Variants in CNOT8 observed in about 807,000 individuals in gnomAD.
CNOT8 encodes CAF1-like protein.
A neutral mutation model predicts 34.6 loss-of-function variants in CNOT8; 18 were observed. The ratio of observed to expected loss-of-function variants is 0.52; its 90% CI spans 0.36 to 0.77. The LOEUF is 0.77. Among genes scored for constraint, CNOT8 ranks in the 30% least tolerant of loss-of-function variants. The probability of loss-of-function intolerance (pLI) is 0.00; values close to 1 mark genes in which losing one functional copy is unlikely to be tolerated. For missense variants in CNOT8, 189 were observed against 347.9 expected, an observed-to-expected ratio of 0.54 and a Z score of 3.63; for synonymous variants, 101 against 118.8, an observed-to-expected ratio of 0.85 and a Z score of 0.98.
At chr5:154,869,300 G>T (rs2113348785) in intron 3 of CNOT8, among the ~76,000 whole-genome samples, 1 of 151,252 alleles carries the variant, frequency 6.6e-6, no homozygotes, top group East Asian at 2.0e-4. Flanking sequence ...TGTATTTTTA[G>T]TAGAGATGGG....
chr5:154,870,627 T>C lies in CNOT8; in HGVS notation c.312-34T>C, dbSNP rs781215159. On this transcript the variant is annotated intron_variant, in intron 3 of 6. Coordinates refer to ENST00000285896, the MANE Select transcript of CNOT8 (RefSeq NM_001301073.2). ...GTGGCCACTACTTCTGTTTCATTAT[T>C]CACCAGTTAATAAATAAACACCTTG... is the stretch of plus-strand genomic sequence containing the variant. The C allele has an allele frequency of 3.1e-5, 48 of 1,571,194 alleles. No homozygotes were observed. The Middle Eastern group carries it at 5.0e-4, about 16-fold the overall frequency.
chr5:154,863,419 C>T, intron 2 of CNOT8, 24 bp downstream of exon 2: 3 of 1,524,608 alleles, frequency 2.0e-6, no homozygotes, highest in Non-Finnish European at 2.7e-6. Flanking sequence ...CTCTGACTCA[C>T]CTTCTTTGTC....
intron 3 of CNOT8, among the ~76,000 whole-genome samples, chr5:154,867,177 G>A (rs1248176056): frequency 6.6e-6 from 1 of 152,154 alleles, no homozygotes; most frequent in African/African-American, 2.4e-5. Context: ...AATTCCTGTG[G>A]TTGAATTAAT....
intron 1 of CNOT8, chr5:154,859,031 T>C (rs1252860218): frequency 2.0e-5 from 3 of 152,188 alleles, no homozygotes; most frequent in Non-Finnish European, 2.9e-5. Context: ...CGTACTGTTA[T>C]CAAACCCATT....
rs552678331 is a variant in CNOT8, at chr5:154,875,709, A to G, written c.*270A>G. The G allele has an allele frequency of 4.0e-5, 14 of 350,902 alleles. No homozygotes were observed. In the East Asian group the frequency reaches 5.0e-4, roughly 13 times the overall value. 21.7% of individuals were successfully genotyped at this position (350,902 alleles called of 1,614,324 possible). A position where few individuals can be genotyped will look rare whatever the true frequency, so the allele number is the denominator to read the frequency against. On this transcript the variant is annotated 3_prime_UTR_variant, in exon 7 of 7. Transcript: ENST00000285896. Reference sequence around the variant, plus strand: ...TGGTTGCCTCCTGCCACCAGCATCCATGGCTCATTTGACACCTTTTTAAAT... The same window carrying G: ...TGGTTGCCTCCTGCCACCAGCATCCGTGGCTCATTTGACACCTTTTTAAAT...
Position 154,865,000 on chromosome 5 carries a change from C to T in CNOT8, c.118-192C>T, listed in dbSNP as rs181074694. On this transcript the variant is annotated intron_variant, in intron 2 of 6. Coordinates refer to ENST00000285896, the MANE Select transcript of CNOT8 (RefSeq NM_001301073.2). ...GAGGCTGTAGTGAGCTGTGATTGTG[C>T]CACTGCCCTCCAGCCTGGGTGACAG... is the stretch of plus-strand genomic sequence containing the variant. 2.0e-5 allele frequency among the ~76,000 whole-genome samples: 3 copies of T among 152,206 alleles called. No homozygotes were observed. The East Asian group carries it at 5.8e-4, about 29-fold the overall frequency.
Position 154,876,086 on chromosome 5 carries a change from C to G in CNOT8, c.*647C>G, listed in dbSNP as rs1238660878. On this transcript the variant is annotated 3_prime_UTR_variant, in exon 7 of 7. Transcript: ENST00000285896. ...AACAATTTTACTGAATCTGTCTACC[C>G]TTCATTCATGAGAACTCCAGAATGA... The G allele has an allele frequency of 2.0e-5, 3 of 152,324 alleles. No individual in the cohort carries two copies. Among genetic ancestry groups the G allele is most frequent in the Non-Finnish European group, 2.9e-5 (2 of 68,112 alleles). The allele number at this position is 152,324 out of a possible 1,614,324, so 9.4% of individuals were successfully genotyped here. A position where few individuals can be genotyped will look rare whatever the true frequency, so the allele number is the denominator to read the frequency against.
intron 5 of CNOT8, 43 bp downstream of exon 5, chr5:154,871,917 A>G: frequency 6.4e-7 from 1 of 1,567,984 alleles, no homozygotes; most frequent in Non-Finnish European, 8.7e-7. Flanking sequence ...AAAGAAGGAC[A>G]GAAAAAAAGC....
chr5:154,870,829 C>T lies in CNOT8; in HGVS notation c.473+7C>T, dbSNP rs375081243. On this transcript the variant is annotated splice_region_variant and intron_variant, in intron 4 of 6. Transcript: ENST00000285896. ...AATGGCTTTCATTTCATAGGTCAGT[C>T]CTAGGGAATGTGTATTTCTCTCTCA... 6.2e-7 allele frequency: 1 copy of T among 1,600,774 alleles called. No homozygotes were observed. The highest frequency in any genetic ancestry group is 8.5e-7 in the Non-Finnish European group (1 of 1,173,872).
At chr5:154,873,766 A>C (rs1200190314) in intron 6 of CNOT8, among the ~76,000 whole-genome samples, 1 of 152,192 alleles carries the variant, frequency 6.6e-6, no homozygotes, top group Non-Finnish European at 1.5e-5. Context: ...AACAACTGTT[A>C]CCATGTGTTG....
Position 154,871,718 on chromosome 5 carries a change from A to T in CNOT8, c.474-12A>T, listed in dbSNP as rs556302555. 69 of 1,613,294 alleles carry T rather than the reference A, an allele frequency of 4.3e-5. No homozygotes were observed. The highest frequency in any genetic ancestry group is 4.4e-5 in the Non-Finnish European group (52 of 1,179,642). On this transcript the variant is annotated splice_polypyrimidine_tract_variant and intron_variant, in intron 4 of 6. Coordinates refer to ENST00000285896, the MANE Select transcript of CNOT8 (RefSeq NM_001301073.2). Reference sequence around the variant, plus strand: ...ACTGCTTTTTTAACCTCTGTGGTTTATTCTCTTGTAGTGGCTATGATTTTG... The same window carrying T: ...ACTGCTTTTTTAACCTCTGTGGTTTTTTCTCTTGTAGTGGCTATGATTTTG...
chr5:154,871,580 A>AAG, intron 4 of CNOT8, 150 bp from the exon 5 acceptor site: 1 of 629,176 alleles, frequency 1.6e-6, no homozygotes, highest in Admixed American at 3.2e-5. Flanking sequence ...AAAAAAAAAA[A>AAG]AGATTCAGAT....
chr5:154,869,678 G>A (rs1466947674), intron 3 of CNOT8, among the ~76,000 whole-genome samples: 3 of 147,724 alleles, frequency 2.0e-5, no homozygotes, highest in Admixed American at 6.8e-5. Flanking sequence ...AGGCTGGAGC[G>A]CAGTGGCGCG....
intron 1 of CNOT8, among the ~76,000 whole-genome samples, chr5:154,860,291 TATGATG>T (rs58094991): frequency 0.011 from 1,723 of 151,682 alleles, 32 homozygotes; most frequent in African/African-American, 0.04. Flanking sequence ...GAATTGCTGG[TATGATG>T]ATGATGATGA....
intron 6 of CNOT8, among the ~76,000 whole-genome samples, chr5:154,874,458 C>T (rs956667664): frequency 1.3e-5 from 2 of 151,944 alleles, no homozygotes; most frequent in Non-Finnish European, 2.9e-5. Flanking sequence ...CACCTGTAAT[C>T]CCAGCTACTC....
chr5:154,868,998 T>C (rs1480966744), intron 3 of CNOT8, among the ~76,000 whole-genome samples: 1 of 152,212 alleles, frequency 6.6e-6, no homozygotes, highest in Non-Finnish European at 1.5e-5. Context: ...CTGGATCCCC[T>C]GAGACTCACT....
intron 3 of CNOT8, among the ~76,000 whole-genome samples, chr5:154,868,832 T>A (rs898717243): frequency 6.6e-6 from 1 of 152,214 alleles, no homozygotes; most frequent in Non-Finnish European, 1.5e-5. Flanking sequence ...ATTCCAGGGC[T>A]GTGGCTTCCT....
chr5:154,869,893 G>A (rs1265993706), intron 3 of CNOT8, among the ~76,000 whole-genome samples: 2 of 152,128 alleles, frequency 1.3e-5, no homozygotes, highest in Non-Finnish European at 1.5e-5. Flanking sequence ...AAATTTCTGG[G>A]ATTACAGGCA....
rs1481302580 is a variant in CNOT8 at position 154,858,750 on chromosome 5, G to C, written c.-91G>C. The stretch of plus-strand genomic sequence containing the variant: ...TCGTCAGCCCGCCAGCCAGCGCTTC[G>C]CGGGCCCTGTCGGTCCCGGTAAGCG... On this transcript the variant is annotated 5_prime_UTR_variant, in exon 1 of 7. Coordinates refer to ENST00000285896, the MANE Select transcript of CNOT8 (RefSeq NM_001301073.2). 6.6e-6 allele frequency: 1 copy of C among 151,994 alleles called. No homozygotes were observed. Among genetic ancestry groups the C allele is most frequent in the African/African-American group, 2.4e-5 (1 of 41,344 alleles). 9.4% of individuals were successfully genotyped at this position (151,994 alleles called of 1,614,324 possible). A position where few individuals can be genotyped will look rare whatever the true frequency, so the allele number is the denominator to read the frequency against.
Sources: allele counts gnomAD v4.1 joint callset (sites outside exome capture counted in the v4.1 genomes callset), GRCh38; gene constraint gnomAD v4.1.1; transcripts MANE v1.5; gene names NCBI Gene and HGNC (gene_info 2026-07-23, HGNC 2026-07-21).